SPATA13: variants seen among roughly 807,000 people sequenced by gnomAD.
SPATA13 encodes spermatogenesis-associated protein 13.
A neutral mutation model predicts 104.0 loss-of-function variants in SPATA13; 50 were observed. The observed-to-expected ratio is 0.48, with a 90% CI of 0.38 to 0.61. The LOEUF (loss-of-function observed/expected upper bound fraction) is 0.61, where lower values mean the gene tolerates loss of function less well. Ranked by LOEUF, SPATA13 falls within the 20% of genes least tolerant of loss-of-function variation. The pLI, the probability that SPATA13 is intolerant of heterozygous loss-of-function variation, is 0.00. For missense variants in SPATA13, 1,524 were observed against 1,690.6 expected, an observed-to-expected ratio of 0.90 and a Z score of 1.73; for synonymous variants, 606 against 667.5, an observed-to-expected ratio of 0.91 and a Z score of 1.42.
At chr13:24,291,977 C>T (rs952103944) in intron 9 of SPATA13, among the ~76,000 whole-genome samples, 14 of 151,078 alleles carry the variant, frequency 9.3e-5, no homozygotes, top group Non-Finnish European at 1.3e-4. Context: ...AGGATGGTCT[C>T]GATCTCCTGA....
chr13:24,148,550 A>G (rs1382054995), intron 3 of SPATA13, among the ~76,000 whole-genome samples: 1 of 152,186 alleles, frequency 6.6e-6, no homozygotes, highest in Non-Finnish European at 1.5e-5. Context: ...GACCTGAAGC[A>G]TCAAACACAA....
At chr13:24,067,087 G>A (rs1878990841) in intron 3 of SPATA13, among the ~76,000 whole-genome samples, 1 of 152,096 alleles carries the variant, frequency 6.6e-6, no homozygotes, top group Admixed American at 6.5e-5. Context: ...GTTCCCTCTT[G>A]GCTAGGATCC....
Position 24,249,547 on chromosome 13 carries a change from C to G in SPATA13, c.1724C>G (p.Pro575Arg). 1 of 1,613,176 alleles carries G rather than the reference C, an allele frequency of 6.2e-7. No homozygotes were observed. The highest frequency in any genetic ancestry group is 1.3e-5 in the African/African-American group (1 of 75,018). ...DEERTEAQRT[P>R]KRRWGSGRRP... is the part of the protein sequence containing the mutation. ...GAAAGGACAGAGGCACAGAGAACCC[C>G]CAAGAGGAGATGGGGCTCTGGGAGA... Residue 575 changes from proline to arginine, a missense_variant, in exon 3 of 13, where the codon CCC becomes CGC. Physicochemically the swap from Pro to Arg is moderately radical, Grantham distance 103. This residue lies in a region of SPATA13 where 1,089 missense variants were observed against 1,135.9 expected (regional missense o/e 0.96). Coordinates refer to ENST00000382108, the MANE Select transcript of SPATA13 (RefSeq NM_001166271.3).
chr13:24,085,714 T>A (rs1879697107), intron 3 of SPATA13, among the ~76,000 whole-genome samples: 1 of 152,244 alleles, frequency 6.6e-6, no homozygotes, highest in Admixed American at 6.5e-5. Flanking sequence ...AAGAGGGAAC[T>A]GCTTGCTGGG....
chr13:24,032,947 G>A (rs1478678822), intron 3 of SPATA13, among the ~76,000 whole-genome samples: 2 of 152,292 alleles, frequency 1.3e-5, no homozygotes, highest in African/African-American at 4.8e-5. Context: ...CAGGGAGAAT[G>A]ACTCATTTGT....
At chr13:24,298,127 A>G (rs4542512) in intron 11 of SPATA13, among the ~76,000 whole-genome samples, 1 of 152,160 alleles carries the variant, frequency 6.6e-6, no homozygotes, top group Non-Finnish European at 1.5e-5. Context: ...TGGATGCCAC[A>G]TGCAGGGTAT....
chr13:24,072,479 G>A (rs1283655155), intron 3 of SPATA13, among the ~76,000 whole-genome samples: 1 of 152,162 alleles, frequency 6.6e-6, no homozygotes, highest in Non-Finnish European at 1.5e-5. Flanking sequence ...GGGCCATCCT[G>A]TTCTATCAGG....
chr13:24,266,190 G>C (rs1435489247), intron 4 of SPATA13, among the ~76,000 whole-genome samples: 2 of 152,062 alleles, frequency 1.3e-5, no homozygotes, highest in Non-Finnish European at 2.9e-5. Context: ...AATATATATG[G>C]GTTTTGGGAC....
At chr13:24,237,947 T>C (rs1203504325) in intron 2 of SPATA13, among the ~76,000 whole-genome samples, 1 of 148,252 alleles carries the variant, frequency 6.7e-6, no homozygotes, top group South Asian at 2.1e-4. Context: ...AAATATGCAA[T>C]ATATAAACAT....
At chr13:24,089,311 C>T (rs1047026104) in intron 3 of SPATA13, among the ~76,000 whole-genome samples, 12 of 152,118 alleles carry the variant, frequency 7.9e-5, no homozygotes, top group Admixed American at 7.2e-4. Flanking sequence ...CATGGGACCC[C>T]CCCACACACC....
At chr13:24,153,930 G>A (rs992723542) in intron 3 of SPATA13, among the ~76,000 whole-genome samples, 1 of 152,142 alleles carries the variant, frequency 6.6e-6, no homozygotes, top group East Asian at 1.9e-4. Context: ...TATCAAACAA[G>A]TGTTATCTTA....
chr13:24,038,704 CTATT>C (rs1386845163), intron 3 of SPATA13, among the ~76,000 whole-genome samples: 1 of 152,146 alleles, frequency 6.6e-6, no homozygotes, highest in African/African-American at 2.4e-5. Flanking sequence ...CCAAACAACT[CTATT>C]TACAGAAACA....
At chr13:24,082,597 G>A (rs1879561945) in intron 3 of SPATA13, among the ~76,000 whole-genome samples, 1 of 151,360 alleles carries the variant, frequency 6.6e-6, no homozygotes, top group Non-Finnish European at 1.5e-5. Flanking sequence ...GAGGCGGGTG[G>A]ATCATGAGGT....
intron 2 of SPATA13, among the ~76,000 whole-genome samples, chr13:24,000,645 A>G (rs1472899747): frequency 1.3e-5 from 2 of 152,236 alleles, no homozygotes; most frequent in Admixed American, 6.5e-5. Flanking sequence ...GCAACAGGAC[A>G]TGCAGAAGCC....
intron 2 of SPATA13, among the ~76,000 whole-genome samples, chr13:24,226,848 G>T (rs1370036259): frequency 6.6e-6 from 1 of 152,234 alleles, no homozygotes; most frequent in Non-Finnish European, 1.5e-5. Context: ...GACCTAGAAA[G>T]TAGGACTATC....
intron 2 of SPATA13, among the ~76,000 whole-genome samples, chr13:23,997,772 C>T (rs1875765521): frequency 6.6e-6 from 1 of 152,032 alleles, no homozygotes; most frequent in Non-Finnish European, 1.5e-5. Flanking sequence ...CTATAAACAA[C>T]CAGCTCTCTT....
exon 2 of SPATA13, chr13:23,983,928 G>A (rs1018222196): frequency 3.0e-5 from 30 of 985,336 alleles, no homozygotes; most frequent in African/African-American, 1.7e-4. Flanking sequence ...CATCCTGGCC[G>A]TGAAGGTAAG....
At chr13:24,193,309 GA>G (rs555575236) in intron 1 of SPATA13, among the ~76,000 whole-genome samples, 438 of 152,256 alleles carry the variant, frequency 2.9e-3, no homozygotes, top group Middle Eastern at 0.021. Context: ...GAAAGTAGGT[GA>G]GGGTGGGGGA....
intron 1 of SPATA13, among the ~76,000 whole-genome samples, chr13:24,178,750 C>T (rs1392666510): frequency 6.6e-6 from 1 of 152,094 alleles, no homozygotes; most frequent in Non-Finnish European, 1.5e-5. Flanking sequence ...CAACTGGCCT[C>T]TTTGTTTCTT....
Sources: gnomAD v4.1 joint callset for allele counts (sites outside exome capture counted in the v4.1 genomes callset) on GRCh38, gnomAD v4.1.1 for gene constraint, gnomAD v4.1.1 regional missense constraint, MANE v1.5 for transcripts, NCBI Gene and HGNC (gene_info 2026-07-23, HGNC 2026-07-21) for gene names.